Variants in ANK1 observed in about 807,000 individuals in gnomAD.
ANK1 encodes the protein ankyrin 1.
ANK1 carries 51 observed loss-of-function variants against 210.4 expected under a neutral mutation model. The observed-to-expected ratio is 0.24, with a 90% CI of 0.19 to 0.31. The LOEUF (loss-of-function observed/expected upper bound fraction) is 0.31, where lower values mean the gene tolerates loss of function less well. Among genes scored for constraint, ANK1 ranks in the 10% least tolerant of loss-of-function variants. The pLI, the probability that ANK1 is intolerant of heterozygous loss-of-function variation, is 1.00. For synonymous variants in ANK1, 967 were observed against 1,025.9 expected (o/e 0.94, Z 1.10); for missense variants, 2,051 against 2,504.4 (o/e 0.82, Z 3.86).
chr8:41,762,329 T>C (rs921891306), intron 1 of ANK1, among the ~76,000 whole-genome samples: 1 of 152,216 alleles, frequency 6.6e-6, no homozygotes, highest in Non-Finnish European at 1.5e-5. Flanking sequence ...ACACTCAGTA[T>C]TTGCCATCTT....
rs79399630 is a variant in ANK1 at position 41,793,436 on chromosome 8, C to G, written c.27+4076G>C. 9.8e-4 allele frequency among the ~76,000 whole-genome samples: 149 copies of G among 152,288 alleles called. 1 individual carries two copies. The East Asian group carries it at 0.028, about 28-fold the overall frequency. ...AACAGTGCAGGATCAGGACAGGAGG[C>G]ATCTCAGGAAGGAGTCTACACTGTC... is the stretch of plus-strand genomic sequence containing the variant. On this transcript the variant is annotated intron_variant, in intron 1 of 42. Coordinates refer to ENST00000289734, the MANE Select transcript of ANK1 (RefSeq NM_000037.4).
intron 1 of ANK1, among the ~76,000 whole-genome samples, chr8:41,807,004 G>A (rs527506657): frequency 2.2e-4 from 33 of 152,240 alleles, no homozygotes; most frequent in African/African-American, 6.5e-4. Context: ...TTACAATAAT[G>A]CTAATAATTA....
intron 37 of ANK1, 118 bp from the exon 38 acceptor site, chr8:41,673,030 G>T: frequency 9.0e-7 from 1 of 1,110,722 alleles, no homozygotes; most frequent in Non-Finnish European, 1.3e-6. Flanking sequence ...AGAGATGCAT[G>T]CACATTCGGG....
intron 1 of ANK1, among the ~76,000 whole-genome samples, chr8:41,803,035 A>AAG (rs1191789794): frequency 2.3e-5 from 2 of 87,032 alleles, no homozygotes; most frequent in African/African-American, 1.0e-4. Flanking sequence ...GAAAGAAAGA[A>AAG]AGAAAGAGAA....
At chr8:41,664,739 G>C (rs372191924) in intron 39 of ANK1, 4 of 1,470,160 alleles carry the variant, frequency 2.7e-6, no homozygotes, top group South Asian at 2.4e-5. Context: ...CCACAGCAGC[G>C]TCCCCTCAGC....
intron 2 of ANK1, among the ~76,000 whole-genome samples, chr8:41,749,813 T>C (rs1209889654): frequency 2.0e-5 from 3 of 151,894 alleles, no homozygotes; most frequent in East Asian, 1.9e-4. Context: ...GGTTTCTCCA[T>C]GTTAGTCAGG....
chr8:41,727,707 G>A (rs954906587), intron 4 of ANK1, among the ~76,000 whole-genome samples: 1 of 152,164 alleles, frequency 6.6e-6, no homozygotes, highest in African/African-American at 2.4e-5. Flanking sequence ...ACCCCGTCAT[G>A]CTTAGGACAC....
At chr8:41,723,657 CA>C (rs777103982) in intron 7 of ANK1, 24 bp from the exon 8 acceptor site, 1 of 1,605,602 alleles carries the variant, frequency 6.2e-7, no homozygotes, top group Non-Finnish European at 8.5e-7. Context: ...GCAGGACGGT[CA>C]GGGCGCGTCA....
At chr8:41,741,435 T>C (rs935625190) in intron 2 of ANK1, among the ~76,000 whole-genome samples, 1 of 152,124 alleles carries the variant, frequency 6.6e-6, no homozygotes, top group South Asian at 2.1e-4. Context: ...TTTAAGATTT[T>C]GGTGGCTGGG....
chr8:41,753,513 A>G (rs1234892958), intron 2 of ANK1, among the ~76,000 whole-genome samples: 1 of 151,982 alleles, frequency 6.6e-6, no homozygotes, highest in Non-Finnish European at 1.5e-5. Context: ...GCTCTGGCCC[A>G]GGGGCACGCT....
intron 17 of ANK1, among the ~76,000 whole-genome samples, chr8:41,707,229 G>C (rs1296336612): frequency 6.6e-6 from 1 of 152,264 alleles, no homozygotes; most frequent in East Asian, 1.9e-4. Flanking sequence ...AGCTTCGTCA[G>C]GAAGGCAGTA....
chr8:41,703,358 T>C, intron 20 of ANK1, among the ~76,000 whole-genome samples: 1 of 149,494 alleles, frequency 6.7e-6, no homozygotes, highest in East Asian at 1.9e-4. Flanking sequence ...AGTATTTATA[T>C]ATGTGGTATG....
Position 41,826,336 on chromosome 8 carries a change from G to A in ANK1, c.127-68199C>T, listed in dbSNP as rs540302841. Among the ~76,000 whole-genome samples the A allele has an allele frequency of 1.8e-3, 274 of 152,226 alleles. 2 individuals carry two copies. The highest frequency in any genetic ancestry group is 6.2e-3 in the African/African-American group (259 of 41,522). ...ACAGGCTGGGGCTGTAGGAAAGGTGGGAGCTCTGCCACCTTGATGTAACCT... is the reference window on the plus strand; with the variant it reads ...ACAGGCTGGGGCTGTAGGAAAGGTGAGAGCTCTGCCACCTTGATGTAACCT... On this transcript the variant is annotated intron_variant, in intron 1 of 42. Coordinates refer to the ANK1 transcript ENST00000265709.
At chr8:41,742,469 T>C (rs1835022560) in intron 2 of ANK1, among the ~76,000 whole-genome samples, 1 of 152,206 alleles carries the variant, frequency 6.6e-6, no homozygotes, top group Non-Finnish European at 1.5e-5. Context: ...CCTGCCTCTA[T>C]GGAGCAGGCA....
rs559800078 is a variant in ANK1 at position 41,701,448 on chromosome 8, G to A, written c.2461+102C>T. The stretch of plus-strand genomic sequence containing the variant: ...CAGTGTCCATCTATAGTGCTTGGGC[G>A]TGTTGTAAGGGGACAAAGCCGGCAG... On this transcript the variant is annotated intron_variant, in intron 22 of 42. Coordinates refer to ENST00000289734, the MANE Select transcript of ANK1 (RefSeq NM_000037.4). 9 of 1,015,152 alleles carry A rather than the reference G, an allele frequency of 8.9e-6. No homozygotes were observed. In the East Asian group the frequency reaches 1.4e-4, roughly 16 times the overall value. 62.9% of individuals were successfully genotyped at this position (1,015,152 alleles called of 1,614,324 possible).
intron 33 of ANK1, among the ~76,000 whole-genome samples, chr8:41,688,855 A>C (rs557464165): frequency 1.3e-5 from 2 of 152,298 alleles, no homozygotes; most frequent in African/African-American, 4.8e-5. Context: ...GCCCTATTTA[A>C]TGTTCACGGC....
intron 1 of ANK1, among the ~76,000 whole-genome samples, chr8:41,822,105 AGAGAGAG>A (rs1324646692): frequency 3.6e-4 from 13 of 36,248 alleles, no homozygotes; most frequent in African/African-American, 9.1e-4. Flanking sequence ...AGAGAGAGAG[AGAGAGAG>A]AGAAAGAAAG....
At chr8:41,830,395 C>T (rs1806365680) in intron 1 of ANK1, among the ~76,000 whole-genome samples, 1 of 151,470 alleles carries the variant, frequency 6.6e-6, no homozygotes, top group African/African-American at 2.4e-5. Context: ...TATTTTTAAG[C>T]TAAATCATCA....
intron 26 of ANK1, 85 bp from the exon 27 acceptor site, chr8:41,695,416 C>T: frequency 2.5e-6 from 4 of 1,592,132 alleles, no homozygotes; most frequent in Non-Finnish European, 3.4e-6. Context: ...CGGCTCCCAC[C>T]CAGATGGATA....
Sources: gnomAD v4.1 joint callset for allele counts (sites outside exome capture counted in the v4.1 genomes callset) on GRCh38, gnomAD v4.1.1 for gene constraint, MANE v1.5 for transcripts, NCBI Gene and HGNC (gene_info 2026-07-23, HGNC 2026-07-21) for gene names.